PDLIM5: variants seen among roughly 807,000 people sequenced by gnomAD.
The protein encoded by PDLIM5 is PDZ and LIM domain protein 5.
PDLIM5 carries 34 observed loss-of-function variants against 64.2 expected under a neutral mutation model. That is an observed-to-expected ratio of 0.53 (90% CI 0.40 to 0.71). PDLIM5 has a LOEUF of 0.71. Ranked by LOEUF, PDLIM5 falls within the 30% of genes least tolerant of loss-of-function variation. PDLIM5 has a pLI of 0.00. For synonymous variants in PDLIM5, 253 were observed against 269.1 expected, an observed-to-expected ratio of 0.94 and a Z score of 0.59; for missense variants, 683 against 733.6, an observed-to-expected ratio of 0.93 and a Z score of 0.80.
In PDLIM5 at chr4:94,658,888, G is replaced by C. The variant is rs527447850; in HGVS notation, c.1585+1341G>C. On this transcript the variant is annotated intron_variant, in intron 11 of 12. Transcript: ENST00000317968. ...CTTAATTTTTCTGAAGAAAGGGCTG[G>C]GTTTTGTTTGTTTGTTTGTTTGTTT... Among the ~76,000 whole-genome samples the C allele has an allele frequency of 1.8e-3, 268 of 151,912 alleles. 1 individual carries two copies. Among genetic ancestry groups the C allele is most frequent in the Admixed American group, 4.6e-3 (71 of 15,278 alleles).
intron 7 of PDLIM5, among the ~76,000 whole-genome samples, chr4:94,596,772 A>G (rs983620479): frequency 3.9e-5 from 6 of 152,092 alleles, no homozygotes; most frequent in Non-Finnish European, 8.8e-5. Flanking sequence ...AATATATTAT[A>G]TTATATAGTA....
chr4:94,491,751 C>G (rs2126120136), intron 2 of PDLIM5, among the ~76,000 whole-genome samples: 1 of 152,088 alleles, frequency 6.6e-6, no homozygotes, highest in South Asian at 2.1e-4. Context: ...AAAATATTCT[C>G]CCTTCATTTT....
chr4:94,455,587 T>A (rs1287661345), intron 2 of PDLIM5: 1 of 634,288 alleles, frequency 1.6e-6, no homozygotes, highest in African/African-American at 1.8e-5. Context: ...CTTCTTTTCG[T>A]TTTCCCCCAT....
At position 94,663,970 on chromosome 4, in the gene PDLIM5, T is replaced by A; in HGVS notation, c.1702-8T>A. On this transcript the variant is annotated splice_region_variant and splice_polypyrimidine_tract_variant and intron_variant, in intron 12 of 12. Transcript: ENST00000317968. Reference sequence around the variant, plus strand: ...AATAATATCTCTTAAATGCTGCTTCTTTTTCAGGTGTGTTGTGAAAGTTTG... The same window carrying A: ...AATAATATCTCTTAAATGCTGCTTCATTTTCAGGTGTGTTGTGAAAGTTTG... 1 of 1,594,858 alleles carries A rather than the reference T, an allele frequency of 6.3e-7. No individual in the cohort carries two copies. Among genetic ancestry groups the A allele is most frequent in the Non-Finnish European group, 8.6e-7 (1 of 1,164,416 alleles).
At chr4:94,594,374 C>T (rs1207272883) in intron 7 of PDLIM5, among the ~76,000 whole-genome samples, 1 of 151,922 alleles carries the variant, frequency 6.6e-6, no homozygotes, top group African/African-American at 2.4e-5. Flanking sequence ...ATATGAGATG[C>T]TTAGTTAGTG....
At chr4:94,651,699 A>G (rs907541638) in intron 9 of PDLIM5, among the ~76,000 whole-genome samples, 5 of 152,220 alleles carry the variant, frequency 3.3e-5, no homozygotes, top group Admixed American at 6.5e-5. Flanking sequence ...TTACAATAAG[A>G]TAAAAATAAG....
chr4:94,624,177 G>T (rs1004980336), intron 8 of PDLIM5, among the ~76,000 whole-genome samples: 3 of 151,872 alleles, frequency 2.0e-5, no homozygotes, highest in African/African-American at 7.3e-5. Context: ...AGTTGGCTGG[G>T]CATGGTGGTG....
chr4:94,465,037 A>G (rs1373106457), intron 2 of PDLIM5, among the ~76,000 whole-genome samples: 3 of 152,270 alleles, frequency 2.0e-5, no homozygotes, highest in African/African-American at 7.2e-5. Context: ...TTGGTTTTCA[A>G]GTTGCATATA....
intron 2 of PDLIM5, among the ~76,000 whole-genome samples, chr4:94,472,376 C>T (rs571096830): frequency 6.6e-6 from 1 of 152,202 alleles, no homozygotes; most frequent in East Asian, 1.9e-4. Flanking sequence ...ACAGTGATTG[C>T]CATTCAGTGT....
At chr4:94,644,337 T>A (rs951335564) in intron 9 of PDLIM5, among the ~76,000 whole-genome samples, 1 of 152,194 alleles carries the variant, frequency 6.6e-6, no homozygotes, top group Non-Finnish European at 1.5e-5. Flanking sequence ...TTAATTTTTA[T>A]TCATGCTTTT....
At position 94,575,873 on chromosome 4, in the gene PDLIM5, C is replaced by T. The variant is rs1735206208; in HGVS notation, c.549C>T (p.Ala183=). ...CTGCATCTGGACTGCATGCTAATGC[C>T]AATCTTAGTGCTGACCAGTCTCCAT... The part of the protein sequence containing the change: ...LFAASGLHAN[A]NLSADQSPSA... Residue 183 remains alanine, a synonymous_variant, in exon 5 of 13, where the codon GCC becomes GCT. Coordinates refer to ENST00000317968, the MANE Select transcript of PDLIM5 (RefSeq NM_006457.5). 6.2e-7 allele frequency: 1 copy of T among 1,614,132 alleles called. No individual in the cohort carries two copies. Among genetic ancestry groups the T allele is most frequent in the Admixed American group, 1.7e-5 (1 of 60,012 alleles).
At chr4:94,564,721 T>C (rs535614579) in intron 3 of PDLIM5, among the ~76,000 whole-genome samples, 86 of 137,492 alleles carry the variant, frequency 6.3e-4, no homozygotes, top group African/African-American at 1.8e-3. Flanking sequence ...AGTAGGGCCA[T>C]CTCAGCTCAC....
intron 7 of PDLIM5, among the ~76,000 whole-genome samples, chr4:94,617,721 C>T (rs1212853222): frequency 6.7e-6 from 1 of 150,248 alleles, no homozygotes. Context: ...AGACTTTTAT[C>T]ATTTAAAATG....
At chr4:94,588,741 C>G (rs1736447169) in intron 7 of PDLIM5, among the ~76,000 whole-genome samples, 1 of 152,100 alleles carries the variant, frequency 6.6e-6, no homozygotes, top group Non-Finnish European at 1.5e-5. Context: ...GCTGAAGGAC[C>G]TTGCCTACAT....
Position 94,564,656 on chromosome 4 carries a change from C to CTTTTTTTTTTTTT in PDLIM5, c.249-8688_249-8676dup, listed in dbSNP as rs768721210. ...CACCTTCAAAGGAGGAATTTTGTCT[C>CTTTTTTTTTTTTT]TTTTTTTTTTTTTTTTTTTGACAGA... On this transcript the variant is annotated intron_variant, in intron 3 of 12. Coordinates refer to ENST00000317968, the MANE Select transcript of PDLIM5 (RefSeq NM_006457.5). Among the ~76,000 whole-genome samples the CTTTTTTTTTTTTT allele has an allele frequency of 1.1e-3, 112 of 104,494 alleles. 9 individuals carry two copies. The highest frequency in any genetic ancestry group is 2.8e-3 in the South Asian group (10 of 3,584). The allele number at this position is 104,494 out of a possible 152,430, so 68.6% of individuals were successfully genotyped here. A position where few individuals can be genotyped will look rare whatever the true frequency, so the allele number is the denominator to read the frequency against.
Position 94,665,976 on chromosome 4 carries a change from T to A in PDLIM5, c.*1909T>A. On this transcript the variant is annotated 3_prime_UTR_variant, in exon 13 of 13. Coordinates refer to ENST00000317968, the MANE Select transcript of PDLIM5 (RefSeq NM_006457.5). ...GTGGATCCTGTTGCTATTTGCCCAG[T>A]GAGAAAACAGATTCTGGTATTTGAT... 6 of 1,531,872 alleles carry A rather than the reference T, an allele frequency of 3.9e-6. No homozygotes were observed. The highest frequency in any genetic ancestry group is 5.2e-6 in the Non-Finnish European group (6 of 1,144,368). 94.9% of individuals were successfully genotyped at this position (1,531,872 alleles called of 1,614,324 possible).
At chr4:94,576,176 GC>G (rs1735235932) in intron 5 of PDLIM5, 142 bp downstream of exon 5, 1 of 658,324 alleles carries the variant, frequency 1.5e-6, no homozygotes, top group Admixed American at 2.9e-5. Flanking sequence ...TTAACATATG[GC>G]CTTTATATAC....
At chr4:94,480,151 T>C (rs930000317) in intron 2 of PDLIM5, among the ~76,000 whole-genome samples, 4 of 152,230 alleles carry the variant, frequency 2.6e-5, no homozygotes, top group Non-Finnish European at 5.9e-5. Flanking sequence ...ATAGAGAATA[T>C]ACATAAGATG....
intron 2 of PDLIM5, among the ~76,000 whole-genome samples, chr4:94,475,822 G>A (rs1398561726): frequency 6.6e-6 from 1 of 152,056 alleles, no homozygotes; most frequent in Non-Finnish European, 1.5e-5. Context: ...AAATTACCTC[G>A]GGGTTGTTTA....
Sources: allele counts gnomAD v4.1 joint callset (sites outside exome capture counted in the v4.1 genomes callset), GRCh38; gene constraint gnomAD v4.1.1; transcripts MANE v1.5; gene names NCBI Gene and HGNC (gene_info 2026-07-23, HGNC 2026-07-21).